Variants in DNAAF2 observed in about 807,000 individuals in gnomAD.
The protein encoded by DNAAF2 is dynein axonemal assembly factor 2.
A neutral mutation model predicts 48.8 loss-of-function variants in DNAAF2; 58 were observed. The ratio of observed to expected loss-of-function variants is 1.19; its 90% confidence interval spans 0.96 to 1.48. The LOEUF (loss-of-function observed/expected upper bound fraction) is 1.48. Ranked by LOEUF, DNAAF2 falls within the 40% of genes most tolerant of loss-of-function variation. DNAAF2 has a pLI of 0.00. For missense variants in DNAAF2, 1,241 were observed against 1,116.1 expected (o/e 1.11, Z -1.59); for synonymous variants, 567 against 481.2 (o/e 1.18, Z -2.33).
At position 49,633,079 on chromosome 14, in the gene DNAAF2, G is replaced by C. The variant is rs568578036; in HGVS notation, c.1863+208C>G. On this transcript the variant is annotated intron_variant, in intron 1 of 2. Coordinates refer to ENST00000298292, the MANE Select transcript of DNAAF2 (RefSeq NM_018139.3). ...TAGGACTACAGGCGCCCGCTACCAT[G>C]CCCGGCTAATTTTTGCATTTTTAGT... Among the ~76,000 whole-genome samples the C allele has an allele frequency of 1.5e-4, 23 of 152,086 alleles. No homozygotes were observed. The East Asian group carries it at 4.5e-3, about 29-fold the overall frequency.
chr14:49,634,406 G>C lies in DNAAF2; in HGVS notation c.744C>G (p.Pro248=). 6.3e-7 allele frequency: 1 copy of C among 1,580,324 alleles called. No homozygotes were observed. Among genetic ancestry groups the C allele is most frequent in the East Asian group, 2.3e-5 (1 of 43,688 alleles). ...APSPPEAALQ[P]APTEPRYSVV... ...CGCTGTAGCGAGGCTCGGTGGGGGCGGGCTGCAAGGCCGCTTCCGGAGGGG... is the reference window on the plus strand; with the variant it reads ...CGCTGTAGCGAGGCTCGGTGGGGGCCGGCTGCAAGGCCGCTTCCGGAGGGG... The change falls in exon 1 of 3, where the codon CCC becomes CCG. Residue 248 remains proline (P), a synonymous_variant. Transcript: ENST00000298292.
At position 49,625,901 on chromosome 14, in the gene DNAAF2, T is replaced by C; in HGVS notation, c.2155A>G (p.Ile719Val). ...CATGTAACTAAACCAAAGCTATCTA[T>C]TTGTAGTGCTTTAACTGCTATAGAT... ...DSSIAVKALQIDSFGLVTCFQ... is the reference protein window; with the variant it reads ...DSSIAVKALQVDSFGLVTCFQ... Residue 719 changes from isoleucine to valine, a missense_variant, in exon 3 of 3, where the codon ATA (isoleucine) becomes GTA (valine). Ile to Val is a conservative substitution (Grantham distance 29). Transcript: ENST00000298292. 1.2e-6 allele frequency: 2 copies of C among 1,613,598 alleles called. No homozygotes were observed. The highest frequency in any genetic ancestry group is 1.7e-6 in the Non-Finnish European group (2 of 1,179,764).
At chr14:49,630,669 C>CACACACACACACACACACACACA (rs1555327684) in intron 1 of DNAAF2, among the ~76,000 whole-genome samples, 4 of 132,486 alleles carry the variant, frequency 3.0e-5, no homozygotes, top group Admixed American at 8.2e-5. Context: ...AACTCTCTCT[C>CACACACACACACACACACACACA]CACACACACA....
Position 49,625,668 on chromosome 14 carries a change from G to A in DNAAF2, c.2388C>T (p.His796=), listed in dbSNP as rs140997181. The A allele has an allele frequency of 3.3e-4, 535 of 1,613,706 alleles. 4 individuals are homozygous for A. In the South Asian group the frequency reaches 5.6e-3, roughly 17 times the overall value. ...TTATGCTGTCGAATCCAGGTATATT[G>A]TGAACCGTAGTTTTGTTCAGTAATG... The part of the protein sequence containing the change: ...LSSLLNKTTV[H]NIPGFDSIKE... The change falls in exon 3 of 3, where the codon CAC becomes CAT. Residue 796 remains histidine (H), a synonymous_variant. Coordinates refer to ENST00000298292, the MANE Select transcript of DNAAF2 (RefSeq NM_018139.3).
chr14:49,630,606 G>C (rs901121572), intron 1 of DNAAF2, among the ~76,000 whole-genome samples: 11 of 146,238 alleles, frequency 7.5e-5, no homozygotes, highest in African/African-American at 2.8e-4. Context: ...ATATATTCAG[G>C]GCAACTTGAA....
intron 2 of DNAAF2, among the ~76,000 whole-genome samples, chr14:49,626,704 A>G (rs1883016797): frequency 6.8e-6 from 1 of 147,980 alleles, no homozygotes; most frequent in African/African-American, 2.5e-5. Context: ...GGGTTTCACC[A>G]TGTTGCCCAG....
rs1235666808 is a variant in DNAAF2, at chr14:49,625,652, C to T, written c.2404G>A (p.Asp802Asn). 5.6e-6 allele frequency: 9 copies of T among 1,613,646 alleles called. No homozygotes were observed. The highest frequency in any genetic ancestry group is 5.1e-6 in the Non-Finnish European group (6 of 1,179,752). Residue 802 changes from aspartate to asparagine, a missense_variant, in exon 3 of 3, where the codon GAC becomes AAC. Transcript: ENST00000298292. ...KTTVHNIPGF[D>N]SIKETNMQDG... ...TGCATATTGGTTTCTTTTATGCTGT[C>T]GAATCCAGGTATATTGTGAACCGTA...
Position 49,635,198 on chromosome 14 carries a change from C to T in DNAAF2, c.-49G>A. ...CGGGCCAAAGGCGATCAGTCTGACACTGGGTTGGGGGATCCGCCTCAGAGT... is the reference window on the plus strand; with the variant it reads ...CGGGCCAAAGGCGATCAGTCTGACATTGGGTTGGGGGATCCGCCTCAGAGT... On this transcript the variant is annotated 5_prime_UTR_variant, in exon 1 of 3. In the 5' UTR this introduces an upstream ATG that the reference lacks. Transcript: ENST00000298292. 4.6e-6 allele frequency: 7 copies of T among 1,533,494 alleles called. No individual in the cohort carries two copies. Among genetic ancestry groups the T allele is most frequent in the Non-Finnish European group, 6.2e-6 (7 of 1,133,366 alleles). 95.0% of individuals were successfully genotyped at this position (1,533,494 alleles called of 1,614,324 possible). A position where few individuals can be genotyped will look rare whatever the true frequency, so the allele number is the denominator to read the frequency against.
At chr14:49,628,693 T>C (rs990390032) in intron 1 of DNAAF2, among the ~76,000 whole-genome samples, 3 of 152,136 alleles carry the variant, frequency 2.0e-5, no homozygotes, top group Admixed American at 6.6e-5. Context: ...GACCTCAAGC[T>C]ATCCACCTGC....
At chr14:49,627,318 T>C (rs1289449540) in intron 2 of DNAAF2, among the ~76,000 whole-genome samples, 1 of 152,190 alleles carries the variant, frequency 6.6e-6, no homozygotes, top group Non-Finnish European at 1.5e-5. Context: ...TACTAAATCA[T>C]TTGCATCTTC....
In DNAAF2 at chr14:49,633,702, C is replaced by T. The variant is rs2139581310; in HGVS notation, c.1448G>A (p.Arg483Lys). The part of the protein sequence containing the change: ...RSLAWGSSAG[R>K]ESARGDSSVE... ...ACTGCTATCTCCGCGCGCACTCTCTCTTCCCGCAGAAGAACCCCACGCCAG... is the reference window on the plus strand; with the variant it reads ...ACTGCTATCTCCGCGCGCACTCTCTTTTCCCGCAGAAGAACCCCACGCCAG... The change falls in exon 1 of 3, where the codon AGA becomes AAA. Residue 483 changes from arginine to lysine, a missense_variant. Transcript: ENST00000298292. 1 of 1,602,590 alleles carries T rather than the reference C, an allele frequency of 6.2e-7. No individual in the cohort carries two copies. Among genetic ancestry groups the T allele is most frequent in the Non-Finnish European group, 8.5e-7 (1 of 1,172,888 alleles).
chr14:49,632,477 CTCT>C (rs1405664529), intron 1 of DNAAF2, among the ~76,000 whole-genome samples: 2 of 150,984 alleles, frequency 1.3e-5, no homozygotes. Context: ...CAGAGTTTCG[CTCT>C]TGTTGCCCAG....
Position 49,634,554 on chromosome 14 carries a change from G to T in DNAAF2, c.596C>A (p.Ala199Glu). The T allele has an allele frequency of 3.1e-6, 5 of 1,603,528 alleles. No individual in the cohort carries two copies. The highest frequency in any genetic ancestry group is 4.2e-6 in the Non-Finnish European group (5 of 1,179,686). ...CCCGGGCAGGGGCGTGCGCAGCACC[G>T]CAGCCTCTGGGGTCCCCTTATACTT... ...KAKYKGTPEA[A>E]VLRTPLPGVI... The change falls in exon 1 of 3, where the codon GCG becomes GAG. Residue 199 changes from alanine (A) to glutamate (E), a missense_variant. Transcript: ENST00000298292.
chr14:49,633,759 C>G lies in DNAAF2; in HGVS notation c.1391G>C (p.Gly464Ala). 1 of 1,590,968 alleles carries G rather than the reference C, an allele frequency of 6.3e-7. No individual in the cohort carries two copies. Among genetic ancestry groups the G allele is most frequent in the Non-Finnish European group, 8.5e-7 (1 of 1,172,046 alleles). The change falls in exon 1 of 3, where the codon GGC becomes GCC. Residue 464 changes from glycine (G) to alanine (A), a missense_variant. Gly to Ala is a moderately conservative substitution (Grantham distance 60). Coordinates refer to ENST00000298292, the MANE Select transcript of DNAAF2 (RefSeq NM_018139.3). ...PSPGGENSPG[G>A]GGSPCLSSRS... ...GGAGGACAAACAAGGGGAGCCTCCG[C>G]CACCAGGTGAGTTTTCTCCTCCAGG...
At position 49,633,568 on chromosome 14, in the gene DNAAF2, T is replaced by G. The variant is rs553512675; in HGVS notation, c.1582A>C (p.Asn528His). The G allele has an allele frequency of 1.0e-4, 161 of 1,613,986 alleles. 3 individuals are homozygous for G. The South Asian group carries it at 1.7e-3, about 17-fold the overall frequency. The change falls in exon 1 of 3, where the codon AAT (asparagine) becomes CAT (histidine). Residue 528 changes from asparagine (N) to histidine (H), a missense_variant. Coordinates refer to ENST00000298292, the MANE Select transcript of DNAAF2 (RefSeq NM_018139.3). ...GEPLCPPLLC[N>H]QDKETLTLLI... Reference sequence around the variant, plus strand: ...AGAGTCAAGGTTTCTTTGTCCTGATTACACAGTAACGGAGGACACAAAGGC... The same window carrying G: ...AGAGTCAAGGTTTCTTTGTCCTGATGACACAGTAACGGAGGACACAAAGGC...
rs1397901955 is a variant in DNAAF2 at position 49,634,626 on chromosome 14, T to G, written c.524A>C (p.Gln175Pro). ...CCTGCGGTCCAGCTTCACGCCGAACTGCTTCTCGACGGCCTCCAGGGCCGT... is the reference window on the plus strand; with the variant it reads ...CCTGCGGTCCAGCTTCACGCCGAACGGCTTCTCGACGGCCTCCAGGGCCGT... ...DATALEAVEK[Q>P]FGVKLDRRNA... is the part of the protein sequence containing the mutation. Residue 175 changes from glutamine to proline, a missense_variant, in exon 1 of 3, where the codon CAG becomes CCG. By Grantham distance (76) the Gln-to-Pro change is moderately conservative. Coordinates refer to ENST00000298292, the MANE Select transcript of DNAAF2 (RefSeq NM_018139.3). The G allele has an allele frequency of 2.5e-6, 4 of 1,607,070 alleles. No homozygotes were observed. The highest frequency in any genetic ancestry group is 2.2e-5 in the East Asian group (1 of 44,854).
chr14:49,634,828 C>T lies in DNAAF2; in HGVS notation c.322G>A (p.Gly108Ser), dbSNP rs529603226. Reference sequence around the variant, plus strand: ...CCAGGAGCTGCGCCCCGGTCGCCACCGGAGCCGGGCCGGCTGCTGGGCGCG... The same window carrying T: ...CCAGGAGCTGCGCCCCGGTCGCCACTGGAGCCGGGCCGGCTGCTGGGCGCG... ...VGAPSSRPGS[G>S]GDRGAAPGSH... The change falls in exon 1 of 3, where the codon GGT (glycine) becomes AGT (serine). Residue 108 changes from glycine (G) to serine (S), a missense_variant. Gly to Ser is a moderately conservative substitution (Grantham distance 56). Coordinates refer to ENST00000298292, the MANE Select transcript of DNAAF2 (RefSeq NM_018139.3). 1.4e-5 allele frequency: 22 copies of T among 1,545,946 alleles called. No individual in the cohort carries two copies. The highest frequency in any genetic ancestry group is 2.4e-5 in the South Asian group (2 of 84,402).
intron 1 of DNAAF2, among the ~76,000 whole-genome samples, chr14:49,630,647 T>G (rs1211145957): frequency 7.6e-6 from 1 of 131,316 alleles, no homozygotes; most frequent in Non-Finnish European, 1.7e-5. Flanking sequence ...GTCCTCTATT[T>G]TGGCCCAAAT....
intron 2 of DNAAF2, 86 bp from the exon 3 acceptor site, chr14:49,626,134 C>G: frequency 8.5e-7 from 1 of 1,174,984 alleles, no homozygotes; most frequent in East Asian, 2.8e-5. Flanking sequence ...AAATTTTTAA[C>G]AGTTGTGAGG....
Sources: gnomAD v4.1 joint callset for allele counts (sites outside exome capture counted in the v4.1 genomes callset) on GRCh38, gnomAD v4.1.1 for gene constraint, MANE v1.5 for transcripts, NCBI Gene and HGNC (gene_info 2026-07-23, HGNC 2026-07-21) for gene names.